Variants in CLIC2 observed in about 807,000 individuals in gnomAD.
The protein encoded by CLIC2 is CLIC family member 2.
Under a neutral mutation model 14.8 loss-of-function variants are expected in CLIC2, and 9 were observed. The ratio of observed to expected loss-of-function variants is 0.61; its 90% CI spans 0.37 to 1.06. CLIC2 has a LOEUF of 1.06. Ranked by LOEUF, CLIC2 falls within the 50% of genes least tolerant of loss-of-function variation. The pLI is 0.01. For missense variants in CLIC2, 148 were observed against 181.4 expected (o/e 0.82, Z 1.06); for synonymous variants, 61 against 66.3 (o/e 0.92, Z 0.39).
chrX:155,283,551 A>AT (rs1479638508), intron 3 of CLIC2, among the ~76,000 whole-genome samples: 1 of 111,031 alleles, frequency 9.0e-6, no homozygotes, highest in African/African-American at 3.3e-5. Context: ...TCCTAATGCT[A>AT]TCCCTCCCCA....
intron 1 of CLIC2, among the ~76,000 whole-genome samples, chrX:155,325,231 C>T (rs1557322184): frequency 9.0e-6 from 1 of 111,522 alleles, no homozygotes; most frequent in Non-Finnish European, 1.9e-5. Context: ...TCAGAAATAC[C>T]ATTTGACCCA....
At chrX:155,302,849 T>C (rs1303825728) in intron 1 of CLIC2, among the ~76,000 whole-genome samples, 1 of 76,588 alleles carries the variant, frequency 1.3e-5, no homozygotes, top group Non-Finnish European at 2.6e-5. Context: ...CCAGTAGTCA[T>C]TCAGGAGCAG....
At chrX:155,284,224 C>T (rs2074931719) in intron 3 of CLIC2, among the ~76,000 whole-genome samples, 1 of 107,891 alleles carries the variant, frequency 9.3e-6, no homozygotes, top group South Asian at 4.0e-4. Flanking sequence ...CTAAGCATCC[C>T]CCAAGTATCT....
intron 1 of CLIC2, among the ~76,000 whole-genome samples, chrX:155,317,122 C>A (rs1252034676): frequency 1.8e-5 from 2 of 111,347 alleles, no homozygotes; most frequent in African/African-American, 6.5e-5. Flanking sequence ...TGAAAGAGCA[C>A]AAATACACAA....
chrX:155,286,219 C>T (rs1319655005), intron 3 of CLIC2, among the ~76,000 whole-genome samples: 14 of 111,953 alleles, frequency 1.3e-4, no homozygotes, highest in Non-Finnish European at 2.3e-4. Flanking sequence ...CTTATATATG[C>T]GAACATGTAG....
At position 155,334,450 on chromosome X, in the gene CLIC2, C is replaced by T. The variant is rs1557323116; in HGVS notation, c.-23G>A. The T allele has an allele frequency of 1.7e-6, 2 of 1,173,242 alleles. No individual in the cohort carries two copies. Among genetic ancestry groups the T allele is most frequent in the Non-Finnish European group, 2.3e-6 (2 of 860,577 alleles). ...CATCTTTGTCTTTACTGCCAGTTGT[C>T]AGCCTCCTGCCTCCTGTAGAGTCCA... On this transcript the variant is annotated 5_prime_UTR_variant, in exon 1 of 6. Transcript: ENST00000369449.
In CLIC2 at chrX:155,277,119, C is replaced by T. The variant is rs1271489726; in HGVS notation, c.*784G>A. 8.0e-5 allele frequency: 9 copies of T among 112,318 alleles called. No homozygotes were observed. In the Admixed American group the frequency reaches 8.5e-4, roughly 11 times the overall value. 9.3% of individuals were successfully genotyped at this position (112,318 alleles called of 1,213,427 possible). A position where few individuals can be genotyped will look rare whatever the true frequency, so the allele number is the denominator to read the frequency against. On this transcript the variant is annotated 3_prime_UTR_variant, in exon 6 of 6. Transcript: ENST00000369449. ...CTTTTGTAGAAAGTTTTGTAATTAT[C>T]TAAGGACTGTTTACCTTATCCTTTT... is the stretch of plus-strand genomic sequence containing the variant.
At chrX:155,298,487 G>A (rs1602940396) in intron 3 of CLIC2, among the ~76,000 whole-genome samples, 1 of 111,854 alleles carries the variant, frequency 8.9e-6, no homozygotes, top group Middle Eastern at 4.6e-3. Flanking sequence ...ATTACATAGT[G>A]TTAGTATCCC....
intron 3 of CLIC2, among the ~76,000 whole-genome samples, chrX:155,283,212 T>C (rs1269175165): frequency 8.9e-6 from 1 of 112,660 alleles, no homozygotes; most frequent in Non-Finnish European, 1.9e-5. Context: ...CTTAAGAAGA[T>C]TGAAATTACA....
chrX:155,308,209 T>A (rs1024066347), intron 1 of CLIC2, among the ~76,000 whole-genome samples: 1 of 109,163 alleles, frequency 9.2e-6, no homozygotes, highest in Non-Finnish European at 1.9e-5. Context: ...AACAAAGAGA[T>A]TGAAATAACT....
intron 1 of CLIC2, among the ~76,000 whole-genome samples, chrX:155,300,556 T>G (rs1214104223): frequency 9.0e-6 from 1 of 111,501 alleles, no homozygotes; most frequent in Non-Finnish European, 1.9e-5. Context: ...TAGTTTCTTT[T>G]GCTGTGCAGA....
At chrX:155,292,345 TAACGATAAAGGAATATCCAGCCA>T (rs1210452359) in intron 3 of CLIC2, 2 of 562,021 alleles carry the variant, frequency 3.6e-6, no homozygotes, top group African/African-American at 4.5e-5. Context: ...GTGATTGTTT[TAACGATAAAGGAATATCCAGCCA>T]AACATGCTGA....
chrX:155,306,764 C>T (rs1390844239), intron 1 of CLIC2, among the ~76,000 whole-genome samples: 11 of 109,816 alleles, frequency 1.0e-4, no homozygotes, highest in African/African-American at 3.3e-4. Flanking sequence ...GGATGAGATG[C>T]CACACTTTAC....
At chrX:155,332,940 G>A (rs373363468) in intron 1 of CLIC2, among the ~76,000 whole-genome samples, 2 of 112,326 alleles carry the variant, frequency 1.8e-5, no homozygotes. Context: ...AATGTAAAAA[G>A]CCAGTTAGGA....
In CLIC2 at chrX:155,334,512, G is replaced by T; in HGVS notation, c.-85C>A. The T allele has an allele frequency of 1.2e-6, 1 of 819,616 alleles. No individual in the cohort carries two copies. Among genetic ancestry groups the T allele is most frequent in the East Asian group, 3.1e-5 (1 of 31,984 alleles). 67.5% of individuals were successfully genotyped at this position (819,616 alleles called of 1,213,427 possible). On this transcript the variant is annotated 5_prime_UTR_variant, in exon 1 of 6. Transcript: ENST00000369449. ...GACTCTTTTCTCAATTTTATCCAAA[G>T]ACTCAAGTAATGTTGGTGCTTTAAG... is the stretch of plus-strand genomic sequence containing the variant.
In CLIC2 at chrX:155,277,290, TATAATCTGGTC is replaced by T. The variant is rs1231713685; in HGVS notation, c.*602_*612del. ...TGAGTGCTTCTTCATTTAAAAATAA[TATAATCTGGTC>T]ACAAAGGCTACATTCTCATCTCTGA... is the stretch of plus-strand genomic sequence containing the variant. On this transcript the variant is annotated 3_prime_UTR_variant, in exon 6 of 6. Transcript: ENST00000369449. 9.0e-6 allele frequency: 1 copy of T among 111,520 alleles called. No individual in the cohort carries two copies. The highest frequency in any genetic ancestry group is 2.8e-4 in the East Asian group (1 of 3,570). 9.2% of individuals were successfully genotyped at this position (111,520 alleles called of 1,213,427 possible).
intron 1 of CLIC2, among the ~76,000 whole-genome samples, chrX:155,314,364 T>C (rs782612487): frequency 8.9e-6 from 1 of 112,610 alleles, no homozygotes; most frequent in African/African-American, 3.2e-5. Context: ...GAGCAGGTGC[T>C]GGTATCCATG....
At chrX:155,278,198 T>C in intron 5 of CLIC2, 134 bp from the exon 6 acceptor site, 1 of 521,516 alleles carries the variant, frequency 1.9e-6, no homozygotes, top group Non-Finnish European at 3.2e-6. Context: ...AACTATGAAG[T>C]AGACACGAAT....
chrX:155,298,735 C>A, intron 3 of CLIC2, 50 bp downstream of exon 3: 1 of 1,185,880 alleles, frequency 8.4e-7, no homozygotes, highest in Non-Finnish European at 1.1e-6. Context: ...AATAAACAAG[C>A]CAGTAAAATA....
Sources: gnomAD v4.1 joint callset for allele counts (sites outside exome capture counted in the v4.1 genomes callset) on GRCh38, gnomAD v4.1.1 for gene constraint, MANE v1.5 for transcripts, NCBI Gene and HGNC (gene_info 2026-07-23, HGNC 2026-07-21) for gene names.